The following ROPN1L variants were observed in gnomAD, a reference collection of about 807,000 sequenced individuals.
The protein encoded by ROPN1L is rhophilin associated tail protein 1 like.
A neutral mutation model predicts 22.7 loss-of-function variants in ROPN1L; 23 were observed. That is an observed-to-expected ratio of 1.01 (90% CI 0.73 to 1.43). The LOEUF (loss-of-function observed/expected upper bound fraction) is 1.43, where lower values mean the gene tolerates loss of function less well. ROPN1L is among the 40% of genes most tolerant of loss of function. The pLI is 0.00. For synonymous variants in ROPN1L, 116 were observed against 117.8 expected (o/e 0.98, Z 0.10); for missense variants, 271 against 291.5 (o/e 0.93, Z 0.51).
intron 3 of ROPN1L, among the ~76,000 whole-genome samples, chr5:10,456,420 G>A (rs572920966): frequency 1.3e-5 from 2 of 152,268 alleles, no homozygotes; most frequent in South Asian, 2.1e-4. Context: ...CCCAGGAGGC[G>A]GAGGTTGCAG....
intron 1 of ROPN1L, among the ~76,000 whole-genome samples, chr5:10,445,700 C>T (rs769079634): frequency 2.0e-5 from 3 of 152,136 alleles, no homozygotes; most frequent in Non-Finnish European, 2.9e-5. Context: ...ACGAGGCGGA[C>T]AGGTTACTTG....
rs1296351484 is a variant in ROPN1L, at chr5:10,442,136, A to G, written c.-32A>G. The G allele has an allele frequency of 6.9e-6, 11 of 1,587,732 alleles. No homozygotes were observed. The highest frequency in any genetic ancestry group is 1.1e-5 in the South Asian group (1 of 90,014). ...CCCTTCTTCCTCGCAGCGCGCCGCGATTCACCAGCCTGGTCCCTTCTGCGG... is the reference window on the plus strand; with the variant it reads ...CCCTTCTTCCTCGCAGCGCGCCGCGGTTCACCAGCCTGGTCCCTTCTGCGG... On this transcript the variant is annotated 5_prime_UTR_variant, in exon 1 of 5. Coordinates refer to ENST00000274134, the MANE Select transcript of ROPN1L (RefSeq NM_031916.5).
At chr5:10,467,988 G>T (rs1735182784), downstream of ROPN1L, among the ~76,000 whole-genome samples, 1 of 152,232 alleles carries the variant, frequency 6.6e-6, no homozygotes, top group African/African-American at 2.4e-5. Context: ...TGGGCCACTG[G>T]CCGGCTCAGC....
In ROPN1L at chr5:10,448,338, A is replaced by G; in HGVS notation, c.210A>G (p.Thr70=). The stretch of plus-strand genomic sequence containing the variant: ...AAATGCCCACGGCAACCCAGAAAAC[A>G]GACACAGGCCTGACTCAAGGACTCC... ...RMEMPTATQK[T]DTGLTQGLLK... Residue 70 remains threonine, a synonymous_variant, in exon 2 of 5, where the codon ACA becomes ACG. Transcript: ENST00000274134. 1 of 1,614,230 alleles carries G rather than the reference A, an allele frequency of 6.2e-7. No homozygotes were observed. Among genetic ancestry groups the G allele is most frequent in the Non-Finnish European group, 8.5e-7 (1 of 1,180,040 alleles).
In ROPN1L at chr5:10,452,341, A is replaced by ATT. The variant is rs1195190147; in HGVS notation, c.417+2240_417+2241dup. 2.8e-3 allele frequency among the ~76,000 whole-genome samples: 304 copies of ATT among 106,828 alleles called. 2 individuals carry two copies. Among genetic ancestry groups the ATT allele is most frequent in the African/African-American group, 0.011 (292 of 25,964 alleles). 70.1% of individuals were successfully genotyped at this position (106,828 alleles called of 152,430 possible). On this transcript the variant is annotated intron_variant, in intron 3 of 4. Transcript: ENST00000274134. ...TGTGTGTGTGTGTGTGTGTGTGTGT[A>ATT]TTTTTTTTTTTTTGAGACAGAGTCT...
chr5:10,444,791 T>C (rs1741001967), intron 1 of ROPN1L, among the ~76,000 whole-genome samples: 1 of 150,814 alleles, frequency 6.6e-6, no homozygotes, highest in Non-Finnish European at 1.5e-5. Context: ...CCCAGTTACA[T>C]GGGAGGCTGA....
intron 3 of ROPN1L, among the ~76,000 whole-genome samples, chr5:10,458,125 A>T (rs1039401443): frequency 3.3e-5 from 5 of 152,052 alleles, no homozygotes; most frequent in Admixed American, 1.3e-4. Flanking sequence ...CAGTAGGCTC[A>T]TGAGCCGGCT....
At chr5:10,446,738 G>A (rs1210797307) in intron 1 of ROPN1L, among the ~76,000 whole-genome samples, 1 of 152,018 alleles carries the variant, frequency 6.6e-6, no homozygotes, top group African/African-American at 2.4e-5. Flanking sequence ...GGAAAGAGGA[G>A]GAGCATTATC....
At chr5:10,468,029 C>T (rs1368401537), downstream of ROPN1L, among the ~76,000 whole-genome samples, 2 of 152,226 alleles carry the variant, frequency 1.3e-5, no homozygotes, top group African/African-American at 4.8e-5. Context: ...CCTTAGATCA[C>T]CCACACATCG....
chr5:10,444,282 CTTTG>C (rs1440201310), intron 1 of ROPN1L, among the ~76,000 whole-genome samples: 3 of 152,002 alleles, frequency 2.0e-5, no homozygotes, highest in African/African-American at 4.8e-5. Flanking sequence ...TTAAGCTTCA[CTTTG>C]TTTATTTATT....
chr5:10,467,927 T>C (rs556384828), downstream of ROPN1L, among the ~76,000 whole-genome samples: 16 of 152,364 alleles, frequency 1.1e-4, no homozygotes, highest in African/African-American at 3.6e-4. Context: ...GCGTGGACTC[T>C]GGGTCTGGAG....
downstream of ROPN1L, among the ~76,000 whole-genome samples, chr5:10,468,176 G>T (rs1735186288): frequency 1.3e-5 from 2 of 152,226 alleles, no homozygotes; most frequent in East Asian, 3.8e-4. Flanking sequence ...CACCATTGGG[G>T]CTCCAAGTGC....
At chr5:10,459,690 T>C (rs1416413385) in intron 3 of ROPN1L, among the ~76,000 whole-genome samples, 1 of 152,156 alleles carries the variant, frequency 6.6e-6, no homozygotes, top group Admixed American at 6.5e-5. Flanking sequence ...GGTCTGTGCT[T>C]ACATGCTCCC....
chr5:10,445,651 C>T (rs1741033800), intron 1 of ROPN1L, among the ~76,000 whole-genome samples: 3 of 152,194 alleles, frequency 2.0e-5, no homozygotes, highest in Admixed American at 2.0e-4. Context: ...GTAGGCTGAG[C>T]ACGGTGGCTC....
intron 3 of ROPN1L, among the ~76,000 whole-genome samples, chr5:10,456,284 C>T (rs570484442): frequency 2.6e-5 from 4 of 152,242 alleles, no homozygotes; most frequent in East Asian, 1.9e-4. Context: ...GTCAGGAGTT[C>T]GGGACCAGCC....
chr5:10,465,408 G>C (rs1735135574), downstream of ROPN1L, among the ~76,000 whole-genome samples: 1 of 151,906 alleles, frequency 6.6e-6, no homozygotes, highest in African/African-American at 2.4e-5. Flanking sequence ...CCAGCTACTT[G>C]GGAGGCTGAG....
At chr5:10,463,996 A>T (rs1323489438) in intron 4 of ROPN1L, among the ~76,000 whole-genome samples, 2 of 152,142 alleles carry the variant, frequency 1.3e-5, no homozygotes, top group African/African-American at 4.8e-5. Flanking sequence ...TGCAGGCCAC[A>T]GCACCAGGAG....
chr5:10,451,309 C>T (rs1741244741), intron 3 of ROPN1L, among the ~76,000 whole-genome samples: 1 of 152,190 alleles, frequency 6.6e-6, no homozygotes, highest in Non-Finnish European at 1.5e-5. Context: ...CACTAATGCA[C>T]CAACAGTCAC....
At chr5:10,459,842 A>C (rs560936050) in intron 3 of ROPN1L, among the ~76,000 whole-genome samples, 1 of 152,334 alleles carries the variant, frequency 6.6e-6, no homozygotes, top group African/African-American at 2.4e-5. Flanking sequence ...TGATCTCCAC[A>C]TGAGCAGGCG....
Sources: gnomAD v4.1 joint callset for allele counts (sites outside exome capture counted in the v4.1 genomes callset) on GRCh38, gnomAD v4.1.1 for gene constraint, MANE v1.5 for transcripts, NCBI Gene and HGNC (gene_info 2026-07-23, HGNC 2026-07-21) for gene names.